DOCK1: variants seen among roughly 807,000 people sequenced by gnomAD.
DOCK1 encodes the protein dedicator of cytokinesis protein 1.
In DOCK1, 138 loss-of-function variants were observed where a neutral mutation model predicts 262.7. The ratio of observed to expected loss-of-function variants is 0.53; its 90% confidence interval spans 0.46 to 0.61. The LOEUF (loss-of-function observed/expected upper bound fraction) is 0.61. Among genes scored for constraint, DOCK1 ranks in the 20% least tolerant of loss-of-function variants. DOCK1 has a pLI of 0.00. For missense variants in DOCK1, 1,908 were observed against 2,370.7 expected (o/e 0.80, Z 4.05); for synonymous variants, 866 against 867.4 (o/e 1.00, Z 0.03).
At chr10:127,408,442 C>T (rs2067647105) in intron 40 of DOCK1, among the ~76,000 whole-genome samples, 1 of 152,180 alleles carries the variant, frequency 6.6e-6, no homozygotes. Flanking sequence ...CGGGGGAGGC[C>T]AGGAACTTAG....
intron 32 of DOCK1, among the ~76,000 whole-genome samples, chr10:127,361,295 T>C (rs925661552): frequency 1.3e-5 from 2 of 151,924 alleles, no homozygotes; most frequent in African/African-American, 4.8e-5. Flanking sequence ...TTTGTATTTT[T>C]AGTAGAGACG....
At chr10:127,445,758 C>T (rs957858111) in intron 50 of DOCK1, among the ~76,000 whole-genome samples, 1 of 152,184 alleles carries the variant, frequency 6.6e-6, no homozygotes, top group Non-Finnish European at 1.5e-5. Context: ...GCCAAATGTC[C>T]ATCAACTGAT....
intron 21 of DOCK1, among the ~76,000 whole-genome samples, chr10:127,045,918 G>A (rs1311011969): frequency 6.6e-6 from 1 of 152,168 alleles, no homozygotes; most frequent in Non-Finnish European, 1.5e-5. Context: ...GTATAAGATG[G>A]CCTGGCAGAT....
At chr10:126,988,088 G>A (rs1308768062) in intron 5 of DOCK1, 1 of 149,422 alleles carries the variant, frequency 6.7e-6, no homozygotes, top group Non-Finnish European at 1.5e-5. Flanking sequence ...AGATTTACCT[G>A]TGTTTGTGAC....
intron 21 of DOCK1, among the ~76,000 whole-genome samples, chr10:127,044,708 C>T (rs2044229093): frequency 1.3e-5 from 2 of 152,150 alleles, no homozygotes; most frequent in African/African-American, 4.8e-5. Flanking sequence ...AGATGAGAGG[C>T]ATGAATCAGC....
chr10:127,197,742 G>T (rs1363763301), intron 27 of DOCK1, among the ~76,000 whole-genome samples: 1 of 152,166 alleles, frequency 6.6e-6, no homozygotes, highest in African/African-American at 2.4e-5. Context: ...CACCAGCTCT[G>T]TGCCTGTGAC....
At chr10:127,349,105 C>T (rs1705181026) in intron 31 of DOCK1, among the ~76,000 whole-genome samples, 1 of 152,086 alleles carries the variant, frequency 6.6e-6, no homozygotes, top group South Asian at 2.1e-4. Context: ...TCTTTAGGAA[C>T]CCACCAGTCT....
intron 1 of DOCK1, among the ~76,000 whole-genome samples, chr10:126,915,546 G>A (rs2032377330): frequency 6.6e-6 from 1 of 152,108 alleles, no homozygotes; most frequent in African/African-American, 2.4e-5. Flanking sequence ...AGCCTCCCAA[G>A]TAGCTGGGAT....
chr10:127,042,322 G>A (rs2044072134), intron 19 of DOCK1, among the ~76,000 whole-genome samples: 1 of 152,162 alleles, frequency 6.6e-6, no homozygotes, highest in Non-Finnish European at 1.5e-5. Flanking sequence ...GCCATTCAGC[G>A]CTTTGTCACC....
intron 1 of DOCK1, among the ~76,000 whole-genome samples, chr10:126,931,743 C>G (rs1407557722): frequency 6.6e-6 from 1 of 152,120 alleles, no homozygotes; most frequent in African/African-American, 2.4e-5. Context: ...GACGGCCTTC[C>G]TGTCACTTCC....
intron 27 of DOCK1, among the ~76,000 whole-genome samples, chr10:127,197,011 C>G (rs1208687470): frequency 2.0e-5 from 3 of 152,146 alleles, no homozygotes; most frequent in East Asian, 3.9e-4. Flanking sequence ...TTGAAGGGTG[C>G]GTGTCTTGTA....
At chr10:127,201,088 G>A (rs928647501) in intron 27 of DOCK1, among the ~76,000 whole-genome samples, 2 of 152,224 alleles carry the variant, frequency 1.3e-5, no homozygotes, top group East Asian at 1.9e-4. Context: ...CTGTAGGGTC[G>A]AGATCATTCC....
intron 3 of DOCK1, among the ~76,000 whole-genome samples, chr10:126,979,240 G>A (rs534524519): frequency 6.6e-6 from 1 of 152,216 alleles, no homozygotes; most frequent in South Asian, 2.1e-4. Flanking sequence ...GTGAATTCCA[G>A]CCAGGCCCAA....
intron 29 of DOCK1, among the ~76,000 whole-genome samples, chr10:127,267,466 C>T (rs536523934): frequency 6.6e-6 from 1 of 152,316 alleles, no homozygotes; most frequent in Non-Finnish European, 1.5e-5. Context: ...ATTCAGATTG[C>T]CTGTTTTAAA....
Position 127,175,154 on chromosome 10 carries a change from A to G in DOCK1, c.2847+47390A>G. ...TACAGACTTGGGTTTGGGGCTACAG[A>G]TGGACTCTGTGGTGATCAGCCTGCA... On this transcript the variant is annotated intron_variant, in intron 27 of 51. Transcript: ENST00000623213. The surrounding 1 kb of genome is among the most constrained non-coding windows in gnomAD (Gnocchi z 6.3). 4 of 1,435,258 alleles carry G rather than the reference A, an allele frequency of 2.8e-6. No homozygotes were observed. The highest frequency in any genetic ancestry group is 3.8e-6 in the Non-Finnish European group (4 of 1,042,564). The allele number at this position is 1,435,258 out of a possible 1,614,324, so 88.9% of individuals were successfully genotyped here. A position where few individuals can be genotyped will look rare whatever the true frequency, so the allele number is the denominator to read the frequency against.
At chr10:127,103,973 T>G (rs982870066) in intron 23 of DOCK1, among the ~76,000 whole-genome samples, 3 of 152,214 alleles carry the variant, frequency 2.0e-5, no homozygotes, top group Non-Finnish European at 4.4e-5. Context: ...TTCTTATAGA[T>G]GTTGCTTGTA....
intron 1 of DOCK1, among the ~76,000 whole-genome samples, chr10:126,955,532 G>A (rs980014910): frequency 1.7e-4 from 26 of 152,146 alleles, no homozygotes; most frequent in Non-Finnish European, 2.9e-4. Context: ...GTGGAGCCCC[G>A]CCCATGTTCG....
chr10:126,938,695 G>A (rs906005370), intron 1 of DOCK1, among the ~76,000 whole-genome samples: 15 of 152,148 alleles, frequency 9.9e-5, no homozygotes, highest in Admixed American at 3.3e-4. Flanking sequence ...GTCTAATGAC[G>A]GCTGCTCCCT....
At chr10:127,081,641 A>G (rs1356496393) in intron 23 of DOCK1, among the ~76,000 whole-genome samples, 2 of 152,128 alleles carry the variant, frequency 1.3e-5, no homozygotes, top group Admixed American at 6.5e-5. Flanking sequence ...GGTGGCTTCA[A>G]TTGCTGTGGA....
Sources: allele counts gnomAD v4.1 joint callset (sites outside exome capture counted in the v4.1 genomes callset), GRCh38; gene constraint gnomAD v4.1.1; non-coding constraint Gnocchi (gnomAD v3.1); transcripts MANE v1.5; gene names NCBI Gene and HGNC (gene_info 2026-07-23, HGNC 2026-07-21).